PARN: variants seen among roughly 807,000 people sequenced by gnomAD.
PARN encodes poly(A)-specific ribonuclease.
A neutral mutation model predicts 102.8 loss-of-function variants in PARN; 71 were observed. The observed-to-expected ratio is 0.69, with a 90% CI of 0.57 to 0.84. PARN has a LOEUF of 0.84. Ranked by LOEUF, PARN falls within the 40% of genes least tolerant of loss-of-function variation. The probability of loss-of-function intolerance (pLI) is 0.00; values close to 1 mark genes in which losing one functional copy is unlikely to be tolerated. For missense variants in PARN, 782 were observed against 760.9 expected (o/e 1.03, Z -0.33); for synonymous variants, 261 against 252.9 (o/e 1.03, Z -0.30).
chr16:14,617,978 A>G (rs1243043814), intron 5 of PARN, among the ~76,000 whole-genome samples: 2 of 151,008 alleles, frequency 1.3e-5, no homozygotes, highest in Admixed American at 6.6e-5. Flanking sequence ...AAGTGCTGGG[A>G]TTACAGATGT....
At chr16:14,558,130 T>A (rs1967817664) in intron 18 of PARN, among the ~76,000 whole-genome samples, 1 of 152,178 alleles carries the variant, frequency 6.6e-6, no homozygotes, top group South Asian at 2.1e-4. Context: ...TTTTAAAAAA[T>A]TAATTTTAAA....
At chr16:14,447,541 TA>T (rs1306567716) in intron 22 of PARN, among the ~76,000 whole-genome samples, 9 of 152,234 alleles carry the variant, frequency 5.9e-5, no homozygotes, top group Admixed American at 1.3e-4. Context: ...TCCCACTGCT[TA>T]AAACTTGGAC....
chr16:14,475,262 A>G (rs1041884020), intron 22 of PARN, among the ~76,000 whole-genome samples: 1 of 152,250 alleles, frequency 6.6e-6, no homozygotes, highest in Non-Finnish European at 1.5e-5. Flanking sequence ...AGTATTAATA[A>G]AATGGGAATA....
intron 9 of PARN, among the ~76,000 whole-genome samples, chr16:14,607,785 G>A (rs1971284169): frequency 1.3e-5 from 2 of 152,152 alleles, no homozygotes; most frequent in Non-Finnish European, 2.9e-5. Context: ...ATGTCCACCT[G>A]TCTATGTCAA....
At chr16:14,572,721 T>C (rs1968884779) in intron 18 of PARN, among the ~76,000 whole-genome samples, 1 of 152,226 alleles carries the variant, frequency 6.6e-6, no homozygotes, top group South Asian at 2.1e-4. Flanking sequence ...CAAACACTAA[T>C]GGGTAGGTAC....
At chr16:14,505,771 C>T (rs1032552871) in intron 21 of PARN, among the ~76,000 whole-genome samples, 3 of 152,140 alleles carry the variant, frequency 2.0e-5, no homozygotes, top group African/African-American at 7.2e-5. Flanking sequence ...AATTAAACTT[C>T]TGAAAATAAT....
chr16:14,586,105 G>A (rs1165381720), intron 14 of PARN, among the ~76,000 whole-genome samples: 1 of 150,328 alleles, frequency 6.7e-6, no homozygotes, highest in South Asian at 2.1e-4. Flanking sequence ...TCAGCCTCCT[G>A]AGTAGCTGGA....
intron 17 of PARN, 68 bp downstream of exon 17, chr16:14,582,113 A>C: frequency 1.1e-6 from 1 of 927,724 alleles, no homozygotes; most frequent in Admixed American, 1.7e-5. Flanking sequence ...ACAGCAGCCT[A>C]AGCCAGGAGA....
At chr16:14,507,704 T>C (rs1174876994) in intron 21 of PARN, among the ~76,000 whole-genome samples, 1 of 152,076 alleles carries the variant, frequency 6.6e-6, no homozygotes, top group Non-Finnish European at 1.5e-5. Context: ...AGTGAAATTC[T>C]AGAGACTTTT....
intron 21 of PARN, among the ~76,000 whole-genome samples, chr16:14,504,967 C>T (rs576996322): frequency 4.9e-4 from 74 of 152,224 alleles, no homozygotes; most frequent in African/African-American, 1.7e-3. Context: ...ATACAGTGTA[C>T]GTGCAGTGCT....
chr16:14,552,177 C>T, intron 20 of PARN, 82 bp from the exon 21 acceptor site: 1 of 827,624 alleles, frequency 1.2e-6, no homozygotes, highest in Non-Finnish European at 2.0e-6. Flanking sequence ...TTACATATTT[C>T]AGTATAGTCT....
Position 14,608,278 on chromosome 16 carries a change from T to TA in PARN, c.659+2dup. The TA allele has an allele frequency of 6.5e-7, 1 of 1,532,080 alleles. No individual in the cohort carries two copies. The highest frequency in any genetic ancestry group is 8.8e-7 in the Non-Finnish European group (1 of 1,131,176). The allele number at this position is 1,532,080 out of a possible 1,614,324, so 94.9% of individuals were successfully genotyped here. ...AGCTGCTGCATACAATATAAATACTTACTTCCAGCTCAAAGTCTGATAAAT... is the reference window on the plus strand; with the variant it reads ...AGCTGCTGCATACAATATAAATACTTAACTTCCAGCTCAAAGTCTGATAAAT... On this transcript the variant is annotated splice_region_variant and intron_variant, in intron 9 of 23. Coordinates refer to ENST00000437198, the MANE Select transcript of PARN (RefSeq NM_002582.4).
chr16:14,594,044 A>G (rs1430526571), intron 12 of PARN, among the ~76,000 whole-genome samples: 1 of 152,154 alleles, frequency 6.6e-6, no homozygotes, highest in Non-Finnish European at 1.5e-5. Context: ...TTAAACTGTC[A>G]AATAATTTGG....
intron 17 of PARN, among the ~76,000 whole-genome samples, chr16:14,581,950 G>GT (rs752300141): frequency 6.6e-6 from 1 of 152,194 alleles, no homozygotes; most frequent in African/African-American, 2.4e-5. Context: ...TCTCCACCAC[G>GT]TAAGGACAGG....
chr16:14,557,033 ACT>A (rs1967733029), intron 18 of PARN, among the ~76,000 whole-genome samples: 1 of 152,186 alleles, frequency 6.6e-6, no homozygotes, highest in Admixed American at 6.5e-5. Flanking sequence ...GTAAATTACA[ACT>A]CTCTGTCATG....
chr16:14,584,649 T>G, intron 15 of PARN, 100 bp downstream of exon 15: 1 of 883,772 alleles, frequency 1.1e-6, no homozygotes, highest in East Asian at 2.4e-5. Context: ...TACAGATGCA[T>G]TAAATACCTC....
chr16:14,582,413 TA>T (rs1969589772), intron 16 of PARN, 122 bp from the exon 17 acceptor site: 1 of 676,830 alleles, frequency 1.5e-6, no homozygotes, highest in African/African-American at 1.8e-5. Flanking sequence ...AAAAGCTATC[TA>T]TTCCTTAATT....
intron 21 of PARN, among the ~76,000 whole-genome samples, chr16:14,494,694 G>T (rs1964225153): frequency 1.3e-5 from 2 of 152,360 alleles, no homozygotes; most frequent in Middle Eastern, 3.4e-3. Flanking sequence ...GTTCAGTCAG[G>T]AGGGCCTTGT....
At chr16:14,539,250 A>C (rs1013259270) in intron 21 of PARN, among the ~76,000 whole-genome samples, 1 of 152,218 alleles carries the variant, frequency 6.6e-6, no homozygotes, top group Non-Finnish European at 1.5e-5. Flanking sequence ...AATATGGATA[A>C]GAAACAATGT....
Sources: gnomAD v4.1 joint callset for allele counts (sites outside exome capture counted in the v4.1 genomes callset) on GRCh38, gnomAD v4.1.1 for gene constraint, MANE v1.5 for transcripts, NCBI Gene and HGNC (gene_info 2026-07-23, HGNC 2026-07-21) for gene names.